Variants in WWOX observed in about 807,000 individuals in gnomAD.
WWOX encodes the protein WW domain-containing oxidoreductase.
Under a neutral mutation model 46.2 loss-of-function variants are expected in WWOX, and 69 were observed. The ratio of observed to expected loss-of-function variants is 1.49; its 90% CI spans 1.23 to 1.82. WWOX has a LOEUF of 1.82. Ranked by LOEUF, WWOX falls within the 40% of genes most tolerant of loss-of-function variation. The pLI is 0.00. For missense variants in WWOX, 919 were observed against 542.6 expected, an observed-to-expected ratio of 1.69 and a Z score of -6.89; for synonymous variants, 359 against 202.6, an observed-to-expected ratio of 1.77 and a Z score of -6.56.
intron 4 of WWOX, among the ~76,000 whole-genome samples, chr16:78,147,222 G>C (rs1259213424): frequency 6.6e-6 from 1 of 151,894 alleles, no homozygotes; most frequent in Non-Finnish European, 1.5e-5. Context: ...TTAATTTAGT[G>C]TTTTTCTATT....
In WWOX at chr16:79,045,780, C is replaced by CT. The variant is rs770463813; in HGVS notation, c.1057-165789dup. On this transcript the variant is annotated intron_variant, in intron 8 of 8. Coordinates refer to ENST00000566780, the MANE Select transcript of WWOX (RefSeq NM_016373.4). Reference sequence around the variant, plus strand: ...AGCTCGTCTTTCCTTTTTTCTTTTCCTTTTTTTTTTTTTTTTTTTTTTTTT... The same window carrying CT: ...AGCTCGTCTTTCCTTTTTTCTTTTCCTTTTTTTTTTTTTTTTTTTTTTTTTT... 2.3e-3 allele frequency among the ~76,000 whole-genome samples: 122 copies of CT among 54,220 alleles called. 15 individuals carry two copies. The highest frequency in any genetic ancestry group is 2.9e-3 in the Non-Finnish European group (74 of 25,354). 35.6% of individuals were successfully genotyped at this position (54,220 alleles called of 152,430 possible).
intron 6 of WWOX, among the ~76,000 whole-genome samples, chr16:78,396,832 C>G (rs2082298893): frequency 6.6e-6 from 1 of 152,100 alleles, no homozygotes; most frequent in African/African-American, 2.4e-5. Flanking sequence ...TAGCCTGGGA[C>G]AACACATAAA....
intron 8 of WWOX, among the ~76,000 whole-genome samples, chr16:78,548,540 C>T (rs2044101053): frequency 1.3e-5 from 2 of 152,174 alleles, no homozygotes; most frequent in African/African-American, 4.8e-5. Context: ...ATCACTGCCT[C>T]ATTGGATGAA....
chr16:78,828,652 C>A (rs893655115), intron 8 of WWOX, among the ~76,000 whole-genome samples: 1 of 152,176 alleles, frequency 6.6e-6, no homozygotes, highest in Non-Finnish European at 1.5e-5. Context: ...ATTTACAAAA[C>A]TTCACACTCT....
intron 8 of WWOX, among the ~76,000 whole-genome samples, chr16:78,457,741 T>G (rs965677648): frequency 1.3e-5 from 2 of 151,690 alleles, no homozygotes; most frequent in Non-Finnish European, 2.9e-5. Flanking sequence ...TGGTGAAACC[T>G]CATCTCTACT....
chr16:79,026,667 C>T (rs1172971332), intron 8 of WWOX, among the ~76,000 whole-genome samples: 2 of 135,098 alleles, frequency 1.5e-5, no homozygotes, highest in African/African-American at 2.9e-5. Flanking sequence ...GCCTAGGCTG[C>T]AGTGCAGTGG....
intron 5 of WWOX, among the ~76,000 whole-genome samples, chr16:78,228,123 C>T (rs565188159): frequency 1.1e-4 from 17 of 152,210 alleles, no homozygotes; most frequent in African/African-American, 3.6e-4. Context: ...TCTCTTTCCT[C>T]CCCTGGGGCC....
At chr16:78,805,490 A>AC (rs2051009223) in intron 8 of WWOX, among the ~76,000 whole-genome samples, 1 of 151,162 alleles carries the variant, frequency 6.6e-6, no homozygotes, top group South Asian at 2.1e-4. Flanking sequence ...TCACAGTGTT[A>AC]TGCAGGATGG....
intron 8 of WWOX, among the ~76,000 whole-genome samples, chr16:78,510,566 C>T: frequency 6.6e-6 from 1 of 152,192 alleles, no homozygotes; most frequent in East Asian, 1.9e-4. Context: ...CATGTAACTG[C>T]ACTTTCTCAT....
In WWOX at chr16:78,471,281, A is replaced by C. The variant is rs563090431; in HGVS notation, c.1056+38529A>C. Among the ~76,000 whole-genome samples, 3 of 152,350 alleles carry C rather than the reference A, an allele frequency of 2.0e-5. No homozygotes were observed. The East Asian group carries it at 5.8e-4, about 29-fold the overall frequency. On this transcript the variant is annotated intron_variant, in intron 8 of 8. Transcript: ENST00000566780. ...GAGCTGCTAATAAACATTCTGATGC[A>C]AACATGGAATACAGATTTCAGAGGG...
At chr16:78,684,633 A>T (rs1252807775) in intron 8 of WWOX, among the ~76,000 whole-genome samples, 2 of 152,156 alleles carry the variant, frequency 1.3e-5, no homozygotes, top group South Asian at 4.1e-4. Context: ...CGTCCCTGCT[A>T]ATGGCTGAGA....
intron 8 of WWOX, among the ~76,000 whole-genome samples, chr16:78,972,924 G>T (rs1347878677): frequency 1.3e-5 from 2 of 152,128 alleles, no homozygotes; most frequent in Admixed American, 6.5e-5. Flanking sequence ...CCTCCCGACC[G>T]AAGGGCTGAG....
At chr16:78,284,035 T>A (rs1249147729) in intron 5 of WWOX, among the ~76,000 whole-genome samples, 1 of 152,218 alleles carries the variant, frequency 6.6e-6, no homozygotes, top group African/African-American at 2.4e-5. Flanking sequence ...TCTCTGAGAT[T>A]TGTATCTCGT....
chr16:78,882,593 CGCCTCCCG>C (rs1567624000), intron 8 of WWOX, among the ~76,000 whole-genome samples: 2 of 150,788 alleles, frequency 1.3e-5, no homozygotes, highest in East Asian at 2.0e-4. Flanking sequence ...CCTCTCTCCT[CGCCTCCCG>C]AGTAGCCTCC....
chr16:78,649,822 C>T (rs781438051), intron 8 of WWOX, among the ~76,000 whole-genome samples: 16 of 152,162 alleles, frequency 1.1e-4, no homozygotes, highest in Non-Finnish European at 1.9e-4. Context: ...TTTTGCAGGT[C>T]TGATTGATGG....
rs76170368 is a variant in WWOX, at chr16:78,635,274, G to C, written c.1056+202522G>C. 1.8e-3 allele frequency among the ~76,000 whole-genome samples: 278 copies of C among 152,226 alleles called. 3 individuals carry two copies. The East Asian group carries it at 0.043, about 24-fold the overall frequency. On this transcript the variant is annotated intron_variant, in intron 8 of 8. Transcript: ENST00000566780. Reference sequence around the variant, plus strand: ...CTAAACCTTAAGTATTTTGCCTGTTGGACAGATGCCTGGTTGTCCCTTTAA... The same window carrying C: ...CTAAACCTTAAGTATTTTGCCTGTTCGACAGATGCCTGGTTGTCCCTTTAA...
chr16:78,824,988 G>A (rs529375813), intron 8 of WWOX, among the ~76,000 whole-genome samples: 3 of 152,190 alleles, frequency 2.0e-5, no homozygotes, highest in African/African-American at 4.8e-5. Context: ...AAATGGCAGC[G>A]TTATAGCCAT....
At chr16:79,068,777 C>T (rs748320365) in intron 8 of WWOX, among the ~76,000 whole-genome samples, 6 of 151,030 alleles carry the variant, frequency 4.0e-5, no homozygotes, top group Non-Finnish European at 7.4e-5. Flanking sequence ...CACCACTGCC[C>T]TGCAGCCTGA....
chr16:78,620,559 G>A (rs2046154492), intron 8 of WWOX, among the ~76,000 whole-genome samples: 1 of 152,128 alleles, frequency 6.6e-6, no homozygotes. Flanking sequence ...ACAGTTTTAT[G>A]TCCTCTGCCA....
Sources: gnomAD v4.1 joint callset for allele counts (sites outside exome capture counted in the v4.1 genomes callset) on GRCh38, gnomAD v4.1.1 for gene constraint, MANE v1.5 for transcripts, NCBI Gene and HGNC (gene_info 2026-07-23, HGNC 2026-07-21) for gene names.